KCTD8: variants seen among roughly 807,000 people sequenced by gnomAD.
KCTD8 encodes the protein potassium channel tetramerization domain containing 8.
Under a neutral mutation model 31.5 loss-of-function variants are expected in KCTD8, and 27 were observed. The observed-to-expected ratio is 0.86, with a 90% CI of 0.63 to 1.18. The LOEUF (loss-of-function observed/expected upper bound fraction) is 1.18. Among genes scored for constraint, KCTD8 ranks in the 50% most tolerant of loss-of-function variants. The pLI is 0.00. For synonymous variants in KCTD8, 290 were observed against 280.0 expected (o/e 1.04, Z -0.36); for missense variants, 658 against 647.7 (o/e 1.02, Z -0.17).
chr4:44,396,789 C>A (rs1341037941), intron 1 of KCTD8, among the ~76,000 whole-genome samples: 1 of 152,018 alleles, frequency 6.6e-6, no homozygotes, highest in African/African-American at 2.4e-5. Flanking sequence ...CATTTCAGAC[C>A]CATGCAGTGG....
At chr4:44,234,286 G>C (rs1715208071) in intron 1 of KCTD8, among the ~76,000 whole-genome samples, 1 of 152,216 alleles carries the variant, frequency 6.6e-6, no homozygotes, top group Admixed American at 6.5e-5. Context: ...TTAGTGTTTG[G>C]TTATGGGCAT....
intron 1 of KCTD8, among the ~76,000 whole-genome samples, chr4:44,221,066 G>T (rs977887007): frequency 6.6e-6 from 1 of 152,140 alleles, no homozygotes; most frequent in African/African-American, 2.4e-5. Flanking sequence ...GAGTCAGCAG[G>T]ACCCATGGTT....
intron 1 of KCTD8, among the ~76,000 whole-genome samples, chr4:44,205,199 A>G (rs1714267155): frequency 6.6e-6 from 1 of 152,212 alleles, no homozygotes; most frequent in Non-Finnish European, 1.5e-5. Flanking sequence ...GGAAACACGT[A>G]AGAATAATTT....
chr4:44,285,007 C>G (rs985417276), intron 1 of KCTD8, among the ~76,000 whole-genome samples: 2 of 152,164 alleles, frequency 1.3e-5, no homozygotes, highest in African/African-American at 2.4e-5. Context: ...AATAGGAAAG[C>G]TTTTACACTG....
intron 1 of KCTD8, among the ~76,000 whole-genome samples, chr4:44,401,081 G>T (rs1192792814): frequency 1.4e-4 from 17 of 125,328 alleles, no homozygotes; most frequent in Non-Finnish European, 4.7e-5. Context: ...TCAAACTCCT[G>T]ACCTCAAGTG....
At chr4:44,290,620 C>T (rs1421088105) in intron 1 of KCTD8, among the ~76,000 whole-genome samples, 2 of 152,036 alleles carry the variant, frequency 1.3e-5, no homozygotes, top group African/African-American at 4.8e-5. Flanking sequence ...TCTCTTGGAC[C>T]ACAGTGCAAT....
rs188372222 is a variant in KCTD8 at position 44,368,147 on chromosome 4, T to C, written c.961+79416A>G. On this transcript the variant is annotated intron_variant, in intron 1 of 1. Transcript: ENST00000360029. ...ATCTCAGCACTTTGGGAGGCTGAGGTGGGTGGATCACCTGAGGTCAAAAGT... is the reference window on the plus strand; with the variant it reads ...ATCTCAGCACTTTGGGAGGCTGAGGCGGGTGGATCACCTGAGGTCAAAAGT... 5.6e-3 allele frequency among the ~76,000 whole-genome samples: 855 copies of C among 152,166 alleles called. 9 individuals carry two copies. The highest frequency in any genetic ancestry group is 0.019 in the African/African-American group (796 of 41,530).
chr4:44,292,056 C>T (rs940103617), intron 1 of KCTD8, among the ~76,000 whole-genome samples: 3 of 150,912 alleles, frequency 2.0e-5, no homozygotes, highest in Admixed American at 6.6e-5. Flanking sequence ...TCATCCACTG[C>T]GGAAAGCAGT....
At chr4:44,434,420 A>G (rs945340561) in intron 1 of KCTD8, among the ~76,000 whole-genome samples, 3 of 151,946 alleles carry the variant, frequency 2.0e-5, no homozygotes, top group African/African-American at 7.2e-5. Flanking sequence ...AAGGGAAACC[A>G]AAGTACAGAG....
At chr4:44,280,150 C>A (rs1386605052) in intron 1 of KCTD8, among the ~76,000 whole-genome samples, 2 of 151,924 alleles carry the variant, frequency 1.3e-5, no homozygotes, top group Non-Finnish European at 1.5e-5. Flanking sequence ...CTTTCTCTTA[C>A]CTTTCGAAGA....
At chr4:44,257,431 G>A (rs1294513772) in intron 1 of KCTD8, among the ~76,000 whole-genome samples, 2 of 151,940 alleles carry the variant, frequency 1.3e-5, no homozygotes, top group Non-Finnish European at 2.9e-5. Context: ...CAAGGCCCAA[G>A]GGCCTAGCCA....
chr4:44,425,226 C>A (rs1721315798), intron 1 of KCTD8, among the ~76,000 whole-genome samples: 1 of 151,998 alleles, frequency 6.6e-6, no homozygotes, highest in African/African-American at 2.4e-5. Context: ...GTAGACTAAA[C>A]ATTCTGATTT....
chr4:44,249,969 G>A (rs1029703207), intron 1 of KCTD8, among the ~76,000 whole-genome samples: 17 of 151,684 alleles, frequency 1.1e-4, no homozygotes, highest in Non-Finnish European at 5.9e-5. Flanking sequence ...TATAAATGAT[G>A]TGAAGTAACA....
At chr4:44,211,897 A>T (rs984938062) in intron 1 of KCTD8, among the ~76,000 whole-genome samples, 6 of 152,078 alleles carry the variant, frequency 3.9e-5, no homozygotes, top group African/African-American at 1.4e-4. Context: ...TCATTATTTT[A>T]TAGTTTTATA....
chr4:44,287,410 C>T (rs1162578668), intron 1 of KCTD8, among the ~76,000 whole-genome samples: 1 of 152,066 alleles, frequency 6.6e-6, no homozygotes, highest in African/African-American at 2.4e-5. Flanking sequence ...GTTTAAAGAT[C>T]ATGTTTACAA....
At chr4:44,335,007 G>A (rs1718686602) in intron 1 of KCTD8, among the ~76,000 whole-genome samples, 1 of 151,980 alleles carries the variant, frequency 6.6e-6, no homozygotes, top group African/African-American at 2.4e-5. Flanking sequence ...ATAAAAATAT[G>A]GTTTTAGATG....
intron 1 of KCTD8, among the ~76,000 whole-genome samples, chr4:44,181,124 C>T (rs548592591): frequency 6.6e-6 from 1 of 151,794 alleles, no homozygotes; most frequent in Non-Finnish European, 1.5e-5. Flanking sequence ...GGGTTCACAT[C>T]TCAGTTTTAA....
At chr4:44,265,607 G>A (rs1716322974) in intron 1 of KCTD8, among the ~76,000 whole-genome samples, 1 of 152,144 alleles carries the variant, frequency 6.6e-6, no homozygotes, top group African/African-American at 2.4e-5. Flanking sequence ...GCTACAGGAG[G>A]AAATTCAAAC....
chr4:44,266,473 A>G (rs529574234), intron 1 of KCTD8, among the ~76,000 whole-genome samples: 13 of 152,378 alleles, frequency 8.5e-5, no homozygotes, highest in Non-Finnish European at 1.3e-4. Flanking sequence ...GTCTAGGAAG[A>G]AACTGCATCA....
Sources: allele counts gnomAD v4.1 joint callset (sites outside exome capture counted in the v4.1 genomes callset), GRCh38; gene constraint gnomAD v4.1.1; transcripts MANE v1.5; gene names NCBI Gene and HGNC (gene_info 2026-07-23, HGNC 2026-07-21).